RGS16: variants seen among roughly 807,000 people sequenced by gnomAD.
The protein encoded by RGS16 is hRGS-r.
In RGS16, 12 loss-of-function variants were observed where a neutral mutation model predicts 18.1. The ratio of observed to expected loss-of-function variants is 0.66; its 90% CI spans 0.42 to 1.07. RGS16 has a LOEUF of 1.07. Ranked by LOEUF, RGS16 falls within the 50% of genes least tolerant of loss-of-function variation. The pLI, the probability that RGS16 is intolerant of heterozygous loss-of-function variation, is 0.00. For synonymous variants in RGS16, 88 were observed against 102.0 expected, an observed-to-expected ratio of 0.86 and a Z score of 0.83; for missense variants, 238 against 249.2, an observed-to-expected ratio of 0.95 and a Z score of 0.30.
intron 4 of RGS16, among the ~76,000 whole-genome samples, chr1:182,601,518 T>C (rs1327820622): frequency 6.6e-6 from 1 of 152,170 alleles, no homozygotes; most frequent in Admixed American, 6.5e-5. Context: ...CAGGTGGCGC[T>C]GTGTTCTTTA....
chr1:182,602,521 A>C (rs1340680035), intron 2 of RGS16, 37 bp from the exon 3 acceptor site: 24 of 1,553,296 alleles, frequency 1.5e-5, no homozygotes, highest in African/African-American at 2.7e-5. Flanking sequence ...GTAAGAAAAA[A>C]AATCAACAAA....
chr1:182,602,458 C>T lies in RGS16; in HGVS notation c.182G>A (p.Gly61Glu). 1.2e-6 allele frequency: 2 copies of T among 1,613,642 alleles called. No individual in the cohort carries two copies. The highest frequency in any genetic ancestry group is 4.5e-5 in the East Asian group (2 of 44,862). ...CAGCAGGTCGAACGACTCTCTCCAC[C>T]CCAGCACATCTTCTGAGAAGTTTCT... is the stretch of plus-strand genomic sequence containing the variant. ...ENRNFSEDVL[G>E]WRESFDLLLS... is the part of the protein sequence containing the mutation. Residue 61 changes from glycine (G) to glutamate (E), a missense_variant, in exon 3 of 5, where the codon GGG (glycine) becomes GAG (glutamate). By Grantham distance (98) the Gly-to-Glu change is moderately conservative. Coordinates refer to ENST00000367558, the MANE Select transcript of RGS16 (RefSeq NM_002928.4).
chr1:182,598,663 T>A lies in RGS16; in HGVS notation c.*1629A>T, dbSNP rs1248571162. ...GCTTTTATTTTATAAGAATATAACA[T>A]GCTGAAACAGGAAAATGGGGATTGC... is the stretch of plus-strand genomic sequence containing the variant. On this transcript the variant is annotated 3_prime_UTR_variant, in exon 5 of 5. Coordinates refer to ENST00000367558, the MANE Select transcript of RGS16 (RefSeq NM_002928.4). The A allele has an allele frequency of 1.3e-5, 2 of 152,664 alleles. No homozygotes were observed. Among genetic ancestry groups the A allele is most frequent in the Non-Finnish European group, 1.5e-5 (1 of 68,040 alleles). 9.5% of individuals were successfully genotyped at this position (152,664 alleles called of 1,614,324 possible). A position where few individuals can be genotyped will look rare whatever the true frequency, so the allele number is the denominator to read the frequency against.
chr1:182,602,408 GCTCCTA>G lies in RGS16; in HGVS notation c.220+6_220+11del. 6.2e-7 allele frequency: 1 copy of G among 1,612,034 alleles called. No homozygotes were observed. ...TGCCACCCAGAGACAGACACAAAAG[GCTCCTA>G]CTCACTTTTACTGCTCAGCAGCAGG... On this transcript the variant is annotated splice_donor_region_variant and intron_variant, in intron 3 of 4. Coordinates refer to ENST00000367558, the MANE Select transcript of RGS16 (RefSeq NM_002928.4).
Position 182,600,378 on chromosome 1 carries a change from G to A in RGS16, c.523C>T (p.Pro175Ser). The change falls in exon 5 of 5, where the codon CCT becomes TCT. Residue 175 changes from proline to serine, a missense_variant. Physicochemically the swap from Pro to Ser is moderately conservative, Grantham distance 74. Coordinates refer to ENST00000367558, the MANE Select transcript of RGS16 (RefSeq NM_002928.4). ...TGGGCAGCCAGGTCCCGGTAAGCAG[G>A]CGACTTCAGGAAGCGTGGGTAGGAG... is the stretch of plus-strand genomic sequence containing the variant. Reference protein sequence around the residue: ...KDSYPRFLKSPAYRDLAAQAS... With the variant: ...KDSYPRFLKSSAYRDLAAQAS... 6.2e-7 allele frequency: 1 copy of A among 1,614,000 alleles called. No individual in the cohort carries two copies. Among genetic ancestry groups the A allele is most frequent in the Middle Eastern group, 1.6e-4 (1 of 6,062 alleles).
intron 1 of RGS16, among the ~76,000 whole-genome samples, chr1:182,603,713 T>C (rs1343809074): frequency 6.6e-6 from 1 of 152,088 alleles, no homozygotes; most frequent in African/African-American, 2.4e-5. Flanking sequence ...CCTTCATCTT[T>C]ACTTTTTCCT....
chr1:182,604,132 G>A (rs1661912753), intron 1 of RGS16, 84 bp downstream of exon 1: 2 of 1,422,112 alleles, frequency 1.4e-6, no homozygotes, highest in African/African-American at 2.9e-5. Flanking sequence ...CCATCCCCGC[G>A]CCCACCCAGG....
chr1:182,600,001 A>G lies in RGS16; in HGVS notation c.*291T>C, dbSNP rs1323244787. On this transcript the variant is annotated 3_prime_UTR_variant, in exon 5 of 5. Transcript: ENST00000367558. The stretch of plus-strand genomic sequence containing the variant: ...CCGGTGAGAACGAGAGCCAGTGCTA[A>G]CCCCCATACCACCTTTTTGCCCCAC... The G allele has an allele frequency of 4.2e-6, 2 of 474,304 alleles. No individual in the cohort carries two copies. Among genetic ancestry groups the G allele is most frequent in the Admixed American group, 7.1e-5 (2 of 28,194 alleles). The allele number at this position is 474,304 out of a possible 1,614,324, so 29.4% of individuals were successfully genotyped here.
chr1:182,604,130 G>A, intron 1 of RGS16, 86 bp downstream of exon 1: 1 of 1,410,672 alleles, frequency 7.1e-7, no homozygotes, highest in Non-Finnish European at 9.8e-7. Flanking sequence ...CCCCATCCCC[G>A]CGCCCACCCA....
intron 3 of RGS16, 85 bp from the exon 4 acceptor site, chr1:182,602,217 T>C: frequency 7.0e-7 from 1 of 1,427,144 alleles, no homozygotes. Context: ...TTGCAATTAA[T>C]GGCTCTATTT....
rs1358745763 is a variant in RGS16 at position 182,599,807 on chromosome 1, T to A, written c.*485A>T. 1.2e-5 allele frequency: 2 copies of A among 169,056 alleles called. No individual in the cohort carries two copies. Among genetic ancestry groups the A allele is most frequent in the East Asian group, 3.3e-4 (2 of 6,094 alleles). 10.5% of individuals were successfully genotyped at this position (169,056 alleles called of 1,614,324 possible). On this transcript the variant is annotated 3_prime_UTR_variant, in exon 5 of 5. Transcript: ENST00000367558. ...GAGGGCCAAAGGGGAAGACTCCACA[T>A]CCAGGGTCCCTTCCGTGCCCAGAAC... is the stretch of plus-strand genomic sequence containing the variant.
chr1:182,604,105 C>T (rs1411695098), intron 1 of RGS16, 111 bp downstream of exon 1: 3 of 1,116,798 alleles, frequency 2.7e-6, no homozygotes, highest in Non-Finnish European at 2.6e-6. Flanking sequence ...TACCTCTCTA[C>T]TCAAGCCTCT....
Position 182,600,657 on chromosome 1 carries a change from C to T in RGS16, c.388-144G>A. 3 of 669,422 alleles carry T rather than the reference C, an allele frequency of 4.5e-6. No individual in the cohort carries two copies. The South Asian group carries it at 5.2e-5, about 12-fold the overall frequency. 41.5% of individuals were successfully genotyped at this position (669,422 alleles called of 1,614,324 possible). On this transcript the variant is annotated intron_variant, in intron 4 of 4. Transcript: ENST00000367558. ...GCTCCTGAGTTGATCACTAGCTTTT[C>T]AGCTCTGGGCTTGTACCCACATCTG...
intron 3 of RGS16, 67 bp downstream of exon 3, chr1:182,602,353 G>A (rs1370460148): frequency 5.7e-6 from 8 of 1,394,256 alleles, no homozygotes; most frequent in African/African-American, 2.9e-5. Context: ...GCAGTCCTGG[G>A]GCTGGCTCCA....
At chr1:182,601,680 G>C (rs1209618958) in intron 4 of RGS16, among the ~76,000 whole-genome samples, 1 of 152,214 alleles carries the variant, frequency 6.6e-6, no homozygotes, top group Admixed American at 6.5e-5. Flanking sequence ...CAGTTGCTAA[G>C]TGTTTTGAGC....
At chr1:182,603,472 C>T in intron 1 of RGS16, 133 bp from the exon 2 acceptor site, 2 of 666,462 alleles carry the variant, frequency 3.0e-6, no homozygotes, top group Non-Finnish European at 5.3e-6. Context: ...AAACTCTTGG[C>T]TGTCCCCAGG....
At chr1:182,603,368 A>G (rs760093304) in intron 1 of RGS16, 29 bp from the exon 2 acceptor site, 3 of 1,572,458 alleles carry the variant, frequency 1.9e-6, no homozygotes, top group Non-Finnish European at 2.6e-6. Context: ...ACATGAAAGC[A>G]TTCTCTCATT....
chr1:182,600,163 T>A lies in RGS16; in HGVS notation c.*129A>T. On this transcript the variant is annotated 3_prime_UTR_variant, in exon 5 of 5. Coordinates refer to ENST00000367558, the MANE Select transcript of RGS16 (RefSeq NM_002928.4). ...AACAGGCTGCTGGAGCGCATTTTTT[T>A]TTTTTTTTTTTTTTTTTTTGTCCTC... 4.0e-6 allele frequency: 2 copies of A among 498,350 alleles called. No homozygotes were observed. Among genetic ancestry groups the A allele is most frequent in the Admixed American group, 7.0e-5 (2 of 28,450 alleles). 30.9% of individuals were successfully genotyped at this position (498,350 alleles called of 1,614,324 possible).
chr1:182,602,519 A>T (rs2102381393), intron 2 of RGS16, 35 bp from the exon 3 acceptor site: 2 of 1,550,822 alleles, frequency 1.3e-6, no homozygotes, highest in East Asian at 2.3e-5. Flanking sequence ...GAGTAAGAAA[A>T]AAAATCAACA....
Sources: allele counts gnomAD v4.1 joint callset (sites outside exome capture counted in the v4.1 genomes callset), GRCh38; gene constraint gnomAD v4.1.1; transcripts MANE v1.5; gene names NCBI Gene and HGNC (gene_info 2026-07-23, HGNC 2026-07-21).